MBNL3: variants seen among roughly 807,000 people sequenced by gnomAD.
MBNL3 encodes the protein muscleblind like splicing regulator 3.
In MBNL3, 6 loss-of-function variants were observed where a neutral mutation model predicts 24.5. The ratio of observed to expected loss-of-function variants is 0.25; its 90% CI spans 0.13 to 0.48. MBNL3 has a LOEUF of 0.48. MBNL3 is among the 20% of genes least tolerant of loss of function. The probability of loss-of-function intolerance (pLI) is 0.99; values close to 1 mark genes in which losing one functional copy is unlikely to be tolerated. For missense variants in MBNL3, 230 were observed against 293.5 expected, an observed-to-expected ratio of 0.78 and a Z score of 1.58; for synonymous variants, 100 against 101.7, an observed-to-expected ratio of 0.98 and a Z score of 0.10.
chrX:132,449,662 A>G (rs1476741535), intron 1 of MBNL3, among the ~76,000 whole-genome samples: 1 of 108,764 alleles, frequency 9.2e-6, no homozygotes, highest in Non-Finnish European at 1.9e-5. Context: ...TTTAAGGTTA[A>G]TATTGTTATG....
rs1262903034 is a variant in MBNL3 at position 132,376,420 on chromosome X, T to C, written c.*3246A>G. On this transcript the variant is annotated 3_prime_UTR_variant, in exon 9 of 9. Transcript: ENST00000370853. Reference sequence around the variant, plus strand: ...GGTCACATAGTACTTTTTTAAAAAGTTGACACTACTAAAACCCTCTTAAAG... The same window carrying C: ...GGTCACATAGTACTTTTTTAAAAAGCTGACACTACTAAAACCCTCTTAAAG... 1.8e-5 allele frequency: 2 copies of C among 111,795 alleles called. No individual in the cohort carries two copies. The highest frequency in any genetic ancestry group is 3.8e-5 in the Non-Finnish European group (2 of 53,013). 9.2% of individuals were successfully genotyped at this position (111,795 alleles called of 1,213,427 possible). A position where few individuals can be genotyped will look rare whatever the true frequency, so the allele number is the denominator to read the frequency against.
At chrX:132,464,152 T>G (rs1946772005) in intron 1 of MBNL3, among the ~76,000 whole-genome samples, 1 of 112,658 alleles carries the variant, frequency 8.9e-6, no homozygotes, top group Non-Finnish European at 1.9e-5. Context: ...ATAGAAACCA[T>G]TTCAAAATAC....
At position 132,379,587 on chromosome X, in the gene MBNL3, T is replaced by C; in HGVS notation, c.*79A>G. 2.9e-6 allele frequency: 3 copies of C among 1,042,673 alleles called. No individual in the cohort carries two copies. Among genetic ancestry groups the C allele is most frequent in the Non-Finnish European group, 3.9e-6 (3 of 766,389 alleles). 85.9% of individuals were successfully genotyped at this position (1,042,673 alleles called of 1,213,427 possible). ...CACGCTTATTGTTGTGTTGGTAGAATAAGACATACGAGAATATATATAGAA... is the reference window on the plus strand; with the variant it reads ...CACGCTTATTGTTGTGTTGGTAGAACAAGACATACGAGAATATATATAGAA... On this transcript the variant is annotated 3_prime_UTR_variant, in exon 9 of 9. Coordinates refer to ENST00000370853, the MANE Select transcript of MBNL3 (RefSeq NM_001386889.1).
upstream of MBNL3, among the ~76,000 whole-genome samples, chrX:132,489,478 C>T (rs920440846): frequency 9.0e-5 from 10 of 111,439 alleles, no homozygotes; most frequent in Non-Finnish European, 1.1e-4. Context: ...ATAGCAACCC[C>T]GGTCCCAACC....
At chrX:132,427,308 T>C (rs1944382797) in intron 2 of MBNL3, among the ~76,000 whole-genome samples, 1 of 111,962 alleles carries the variant, frequency 8.9e-6, no homozygotes, top group Admixed American at 9.5e-5. Flanking sequence ...GCTATGGTTT[T>C]AAAATTTGTT....
intron 2 of MBNL3, among the ~76,000 whole-genome samples, chrX:132,419,583 C>T (rs1000966277): frequency 1.8e-5 from 2 of 111,653 alleles, no homozygotes; most frequent in African/African-American, 6.5e-5. Context: ...CGCACATGAA[C>T]TGCACACACC....
intron 2 of MBNL3, chrX:132,413,670 G>T: frequency 1.0e-6 from 1 of 995,318 alleles, no homozygotes; most frequent in Non-Finnish European, 1.3e-6. Flanking sequence ...AGCTTCACAC[G>T]GCTCGCTACC....
rs1403466252 is a variant in MBNL3, at chrX:132,398,161, A to C, written c.343-5827T>G. Among the ~76,000 whole-genome samples, 19 of 111,575 alleles carry C rather than the reference A, an allele frequency of 1.7e-4. 1 individual carries two copies. In the Admixed American group the frequency reaches 1.8e-3, roughly 11 times the overall value. ...AGGCAGGCAGGTTAGTTGAAAGATCAATAGGTGATTGTGAGTATAAGAGGT... is the reference window on the plus strand; with the variant it reads ...AGGCAGGCAGGTTAGTTGAAAGATCCATAGGTGATTGTGAGTATAAGAGGT... On this transcript the variant is annotated intron_variant, in intron 3 of 8. Coordinates refer to ENST00000370853, the MANE Select transcript of MBNL3 (RefSeq NM_001386889.1).
At chrX:132,472,466 T>A (rs956352892) in intron 1 of MBNL3, among the ~76,000 whole-genome samples, 2 of 111,941 alleles carry the variant, frequency 1.8e-5, no homozygotes, top group African/African-American at 6.5e-5. Flanking sequence ...CTAAAGTAAA[T>A]GTTTCTCTCT....
rs914607316 is a variant in MBNL3 at position 132,373,521 on chromosome X, G to A, written c.*6145C>T. 1 of 111,608 alleles carries A rather than the reference G, an allele frequency of 9.0e-6. No individual in the cohort carries two copies. The highest frequency in any genetic ancestry group is 3.3e-5 in the African/African-American group (1 of 30,765). 9.2% of individuals were successfully genotyped at this position (111,608 alleles called of 1,213,427 possible). A position where few individuals can be genotyped will look rare whatever the true frequency, so the allele number is the denominator to read the frequency against. ...GCCCTGAGGTATTGGACAACTGTAA[G>A]GCTTGGATTGCTTTCTGGCTTTGGC... On this transcript the variant is annotated 3_prime_UTR_variant, in exon 9 of 9. Coordinates refer to ENST00000370853, the MANE Select transcript of MBNL3 (RefSeq NM_001386889.1).
At chrX:132,464,400 A>C (rs2148503992) in intron 1 of MBNL3, among the ~76,000 whole-genome samples, 1 of 112,308 alleles carries the variant, frequency 8.9e-6, no homozygotes, top group East Asian at 2.8e-4. Context: ...CAGTGAAAAG[A>C]AATAATATGA....
At chrX:132,382,995 T>C (rs1345802662) in intron 7 of MBNL3, among the ~76,000 whole-genome samples, 1 of 112,362 alleles carries the variant, frequency 8.9e-6, no homozygotes, top group Non-Finnish European at 1.9e-5. Context: ...GCTACAATGG[T>C]TAGCAGCTGT....
intron 3 of MBNL3, among the ~76,000 whole-genome samples, chrX:132,400,034 C>T (rs949745841): frequency 1.8e-5 from 2 of 110,117 alleles, no homozygotes; most frequent in Admixed American, 9.8e-5. Context: ...ATTTATCTCA[C>T]GGGAATATAT....
chrX:132,469,222 C>T (rs1947046778), intron 1 of MBNL3, among the ~76,000 whole-genome samples: 1 of 112,649 alleles, frequency 8.9e-6, no homozygotes, highest in South Asian at 3.6e-4. Flanking sequence ...TCCACCTCAA[C>T]ATTTGTCACA....
Position 132,372,554 on chromosome X carries a change from G to T in MBNL3, c.*7112C>A, listed in dbSNP as rs1933716507. ...AAAGGGCATTCATTCCCATAATCCA[G>T]TGATATGATGGTCATATCATTCTCT... is the stretch of plus-strand genomic sequence containing the variant. On this transcript the variant is annotated 3_prime_UTR_variant, in exon 9 of 9. Coordinates refer to ENST00000370853, the MANE Select transcript of MBNL3 (RefSeq NM_001386889.1). 9.2e-6 allele frequency: 1 copy of T among 108,694 alleles called. No individual in the cohort carries two copies. Among genetic ancestry groups the T allele is most frequent in the Non-Finnish European group, 1.9e-5 (1 of 52,339 alleles). The allele number at this position is 108,694 out of a possible 1,213,427, so 9.0% of individuals were successfully genotyped here.
Position 132,395,716 on chromosome X carries a change from C to T in MBNL3, c.343-3382G>A, listed in dbSNP as rs765909070. ...TCAGGAAATGTGTCCTAAAAATTAACGAAATATCTAGACAACACTGGCTCC... is the reference window on the plus strand; with the variant it reads ...TCAGGAAATGTGTCCTAAAAATTAATGAAATATCTAGACAACACTGGCTCC... On this transcript the variant is annotated intron_variant, in intron 3 of 8. Coordinates refer to ENST00000370853, the MANE Select transcript of MBNL3 (RefSeq NM_001386889.1). 2.3e-4 allele frequency among the ~76,000 whole-genome samples: 26 copies of T among 111,758 alleles called. 1 individual carries two copies. Among genetic ancestry groups the T allele is most frequent in the Non-Finnish European group, 4.3e-4 (23 of 53,123 alleles).
chrX:132,439,911 C>T lies in MBNL3; in HGVS notation c.-300G>A, dbSNP rs1262734553. 1.8e-5 allele frequency among the ~76,000 whole-genome samples: 2 copies of T among 111,342 alleles called. No individual in the cohort carries two copies. Among genetic ancestry groups the T allele is most frequent in the African/African-American group, 3.3e-5 (1 of 30,587 alleles). ...CTTTGCCGAATTTATGTTAAATAAC[C>T]GGCAGACTTTCAAAAGAATTCTGGG... On this transcript the variant is annotated 5_prime_UTR_variant, in exon 2 of 9. Coordinates refer to ENST00000370853, the MANE Select transcript of MBNL3 (RefSeq NM_001386889.1).
Position 132,400,845 on chromosome X carries a change from A to G in MBNL3, c.342+5383T>C, listed in dbSNP as rs150868196. On this transcript the variant is annotated intron_variant, in intron 3 of 8. Coordinates refer to ENST00000370853, the MANE Select transcript of MBNL3 (RefSeq NM_001386889.1). Reference sequence around the variant, plus strand: ...CTGTGATATGATTTGGTCAACCTCAATGCGGAAGTTCACATGATCATGACT... The same window carrying G: ...CTGTGATATGATTTGGTCAACCTCAGTGCGGAAGTTCACATGATCATGACT... Among the ~76,000 whole-genome samples the G allele has an allele frequency of 1.2e-3, 139 of 112,278 alleles. 1 individual carries two copies. The highest frequency in any genetic ancestry group is 4.1e-3 in the African/African-American group (126 of 30,963).
At chrX:132,477,831 T>C (rs971015480) in intron 1 of MBNL3, among the ~76,000 whole-genome samples, 5 of 112,056 alleles carry the variant, frequency 4.5e-5, no homozygotes, top group African/African-American at 1.6e-4. Context: ...TCTTTATTTC[T>C]GTAATCTTTC....
Sources: allele counts gnomAD v4.1 joint callset (sites outside exome capture counted in the v4.1 genomes callset), GRCh38; gene constraint gnomAD v4.1.1; transcripts MANE v1.5; gene names NCBI Gene and HGNC (gene_info 2026-07-23, HGNC 2026-07-21).